NKAIN2: variants seen among roughly 807,000 people sequenced by gnomAD.
NKAIN2 encodes sodium/potassium-transporting ATPase subunit beta-1-interacting protein 2.
NKAIN2 carries 14 observed loss-of-function variants against 32.6 expected under a neutral mutation model. The ratio of observed to expected loss-of-function variants is 0.43; its 90% confidence interval spans 0.28 to 0.67. The LOEUF (loss-of-function observed/expected upper bound fraction) is 0.67, where lower values mean the gene tolerates loss of function less well. NKAIN2 is among the 30% of genes least tolerant of loss of function. The pLI, the probability that NKAIN2 is intolerant of heterozygous loss-of-function variation, is 0.17. For synonymous variants in NKAIN2, 80 were observed against 87.2 expected, an observed-to-expected ratio of 0.92 and a Z score of 0.46; for missense variants, 198 against 258.3, an observed-to-expected ratio of 0.77 and a Z score of 1.60.
intron 1 of NKAIN2, among the ~76,000 whole-genome samples, chr6:123,819,481 T>TA (rs1484838383): frequency 7.2e-5 from 11 of 152,198 alleles, no homozygotes; most frequent in Non-Finnish European, 1.3e-4. Context: ...TATAAGTGCT[T>TA]AACAATATGA....
intron 3 of NKAIN2, among the ~76,000 whole-genome samples, chr6:124,398,516 CA>C (rs1352568072): frequency 6.6e-6 from 1 of 151,940 alleles, no homozygotes; most frequent in Non-Finnish European, 1.5e-5. Flanking sequence ...TATGGAGATC[CA>C]AATTGCAAGC....
chr6:124,179,861 T>A (rs1789349676), intron 1 of NKAIN2, among the ~76,000 whole-genome samples: 1 of 152,238 alleles, frequency 6.6e-6, no homozygotes, highest in Non-Finnish European at 1.5e-5. Context: ...AAGATGTTGG[T>A]TGTCATTTTT....
At chr6:123,907,784 T>TC (rs370017766) in intron 1 of NKAIN2, among the ~76,000 whole-genome samples, 6 of 152,166 alleles carry the variant, frequency 3.9e-5, no homozygotes, top group Middle Eastern at 3.4e-3. Context: ...GGCAAGACTT[T>TC]CCCCCCTTCA....
At chr6:124,347,290 G>T (rs1798476126) in intron 2 of NKAIN2, among the ~76,000 whole-genome samples, 1 of 151,922 alleles carries the variant, frequency 6.6e-6, no homozygotes, top group Non-Finnish European at 1.5e-5. Context: ...TTTCAACTTT[G>T]GTGAATCTGA....
intron 3 of NKAIN2, among the ~76,000 whole-genome samples, chr6:124,486,645 A>G (rs1267679794): frequency 6.6e-6 from 1 of 152,198 alleles, no homozygotes; most frequent in Non-Finnish European, 1.5e-5. Flanking sequence ...TACTACAATC[A>G]GTAAGTTTCT....
intron 1 of NKAIN2, among the ~76,000 whole-genome samples, chr6:123,880,970 T>A (rs983720891): frequency 1.6e-4 from 25 of 152,188 alleles, no homozygotes; most frequent in African/African-American, 6.0e-4. Context: ...ACCAAAGTTA[T>A]ATTACAGGGT....
At position 124,133,212 on chromosome 6, in the gene NKAIN2, G is replaced by A. The variant is rs779780486; in HGVS notation, c.55-149793G>A. ...CTTCCTAGAACAATTCAGGGTGACTGGAGGTACACCTTCCAGATTCAGGCC... is the reference window on the plus strand; with the variant it reads ...CTTCCTAGAACAATTCAGGGTGACTAGAGGTACACCTTCCAGATTCAGGCC... On this transcript the variant is annotated intron_variant, in intron 1 of 6. Coordinates refer to ENST00000368417, the MANE Select transcript of NKAIN2 (RefSeq NM_001040214.3). Among the ~76,000 whole-genome samples, 61 of 152,194 alleles carry A rather than the reference G, an allele frequency of 4.0e-4. 1 individual carries two copies. The highest frequency in any genetic ancestry group is 1.4e-3 in the Admixed American group (22 of 15,286).
intron 1 of NKAIN2, among the ~76,000 whole-genome samples, chr6:123,891,667 C>T (rs920306833): frequency 3.3e-5 from 5 of 152,136 alleles, no homozygotes; most frequent in African/African-American, 7.2e-5. Context: ...AAAATGTAAT[C>T]GCAATTATAA....
intron 1 of NKAIN2, among the ~76,000 whole-genome samples, chr6:124,048,280 T>C (rs911129652): frequency 3.9e-5 from 6 of 151,992 alleles, no homozygotes; most frequent in South Asian, 2.1e-4. Context: ...CAAAGAATTA[T>C]ACAGAAAAGG....
At chr6:124,138,803 C>T (rs1261812654) in intron 1 of NKAIN2, among the ~76,000 whole-genome samples, 1 of 149,740 alleles carries the variant, frequency 6.7e-6, no homozygotes, top group Admixed American at 6.6e-5. Flanking sequence ...AGTTAGAGAC[C>T]ATTAATCTAA....
intron 3 of NKAIN2, among the ~76,000 whole-genome samples, chr6:124,452,271 T>A (rs1776141344): frequency 6.6e-6 from 1 of 151,862 alleles, no homozygotes; most frequent in Non-Finnish European, 1.5e-5. Flanking sequence ...AGGGGTATTG[T>A]GTACTGAGTT....
chr6:124,698,957 C>T (rs1023693316), intron 4 of NKAIN2, among the ~76,000 whole-genome samples: 10 of 152,148 alleles, frequency 6.6e-5, no homozygotes, highest in African/African-American at 2.4e-4. Flanking sequence ...TACTTGTGAT[C>T]CAGGCCTAGC....
intron 1 of NKAIN2, among the ~76,000 whole-genome samples, chr6:124,087,466 G>A (rs72974595): frequency 0.026 from 3,995 of 152,042 alleles, 58 homozygotes; most frequent in Non-Finnish European, 0.034. Flanking sequence ...ATATACATTG[G>A]AAAGGAAGAA....
chr6:124,249,645 A>C (rs11757838), intron 1 of NKAIN2, among the ~76,000 whole-genome samples: 11,709 of 152,136 alleles, frequency 0.077, 485 homozygotes, highest in Middle Eastern at 0.1. Flanking sequence ...ACGCACAACA[A>C]GGAATCCAAA....
At chr6:124,802,452 G>A (rs1176519486) in intron 5 of NKAIN2, among the ~76,000 whole-genome samples, 1 of 152,178 alleles carries the variant, frequency 6.6e-6, no homozygotes, top group Non-Finnish European at 1.5e-5. Context: ...CCATCCAAAT[G>A]GCATGGCACA....
chr6:124,194,103 G>T (rs1287344637), intron 1 of NKAIN2, among the ~76,000 whole-genome samples: 1 of 152,026 alleles, frequency 6.6e-6, no homozygotes, highest in South Asian at 2.1e-4. Context: ...TCCATGGGTG[G>T]CCATGGGTGG....
intron 3 of NKAIN2, among the ~76,000 whole-genome samples, chr6:124,643,048 C>G (rs986444867): frequency 6.6e-6 from 1 of 152,140 alleles, no homozygotes; most frequent in East Asian, 1.9e-4. Flanking sequence ...CTATTAAATA[C>G]AGCACCTGTA....
At chr6:124,809,066 T>G (rs1780747351) in intron 5 of NKAIN2, among the ~76,000 whole-genome samples, 1 of 152,116 alleles carries the variant, frequency 6.6e-6, no homozygotes, top group Non-Finnish European at 1.5e-5. Context: ...CCCAAGGTAA[T>G]TTACAGATTC....
chr6:124,483,197 A>G (rs1025997259), intron 3 of NKAIN2, among the ~76,000 whole-genome samples: 1 of 152,214 alleles, frequency 6.6e-6, no homozygotes, highest in Non-Finnish European at 1.5e-5. Flanking sequence ...GCATCATTGT[A>G]AAATGCTTCT....
Sources: gnomAD v4.1 joint callset for allele counts (sites outside exome capture counted in the v4.1 genomes callset) on GRCh38, gnomAD v4.1.1 for gene constraint, MANE v1.5 for transcripts, NCBI Gene and HGNC (gene_info 2026-07-23, HGNC 2026-07-21) for gene names.